SMAD4: variants seen among roughly 807,000 people sequenced by gnomAD.
The protein encoded by SMAD4 is MAD homolog 4.
SMAD4 carries 7 observed loss-of-function variants against 63.2 expected under a neutral mutation model. The ratio of observed to expected loss-of-function variants is 0.11; its 90% confidence interval spans 0.06 to 0.21. The LOEUF is 0.21. Ranked by LOEUF, SMAD4 falls within the 10% of genes least tolerant of loss-of-function variation. The probability of loss-of-function intolerance (pLI) is 1.00; values close to 1 mark genes in which losing one functional copy is unlikely to be tolerated. For missense variants in SMAD4, 312 were observed against 693.8 expected, an observed-to-expected ratio of 0.45 and a Z score of 6.18; for synonymous variants, 215 against 235.4, an observed-to-expected ratio of 0.91 and a Z score of 0.79.
intron 1 of SMAD4, among the ~76,000 whole-genome samples, chr18:51,034,540 C>T (rs534005503): frequency 1.3e-3 from 193 of 152,198 alleles, no homozygotes; most frequent in African/African-American, 4.1e-3. Context: ...CATGAGCCAC[C>T]GCGCCCAGCC....
intron 8 of SMAD4, among the ~76,000 whole-genome samples, chr18:51,062,850 TG>T (rs1430775172): frequency 1.4e-5 from 2 of 139,120 alleles, no homozygotes; most frequent in Non-Finnish European, 3.1e-5. Flanking sequence ...TGGCTTTACT[TG>T]TTTTTTTTTT....
intron 1 of SMAD4, among the ~76,000 whole-genome samples, 162 bp downstream of exon 1, chr18:51,030,785 G>A (rs1308767260): frequency 2.0e-5 from 3 of 151,360 alleles, no homozygotes; most frequent in Non-Finnish European, 4.4e-5. Context: ...CTGACGAGCC[G>A]GGCCGGGCGG....
rs1599181216 is a variant in SMAD4 at position 51,047,249 on chromosome 18, C to G, written c.203C>G (p.Pro68Arg). 6.2e-7 allele frequency: 1 copy of G among 1,613,792 alleles called. No individual in the cohort carries two copies. The highest frequency in any genetic ancestry group is 8.5e-7 in the Non-Finnish European group (1 of 1,179,742). The part of the protein sequence containing the change: ...ITAITTNGAH[P>R]SKCVTIQRTL... ...GCTATAACTACAAATGGAGCTCATC[C>G]TAGTAAATGTGTTACCATACAGAGA... The change falls in exon 2 of 12, where the codon CCT becomes CGT. Residue 68 changes from proline to arginine, a missense_variant. Pro to Arg is a moderately radical substitution (Grantham distance 103, BLOSUM62 -2). This residue lies in a region of SMAD4 where 37 missense variants were observed against 87.3 expected (regional missense o/e 0.42). Transcript: ENST00000342988.
At chr18:51,070,577 A>G (rs1460554251) in intron 10 of SMAD4, among the ~76,000 whole-genome samples, 2 of 152,310 alleles carry the variant, frequency 1.3e-5, no homozygotes, top group Non-Finnish European at 1.5e-5. Flanking sequence ...CCCATCCACA[A>G]TTTCACTTTC....
chr18:51,073,723 G>T (rs1383797004), intron 10 of SMAD4, among the ~76,000 whole-genome samples: 2 of 151,896 alleles, frequency 1.3e-5, no homozygotes, highest in African/African-American at 4.8e-5. Context: ...TAGAGATGGG[G>T]TCTCACCATG....
intron 1 of SMAD4, among the ~76,000 whole-genome samples, chr18:51,043,280 A>G (rs1477227581): frequency 6.6e-6 from 1 of 152,142 alleles, no homozygotes; most frequent in Non-Finnish European, 1.5e-5. Flanking sequence ...TTGTATATAC[A>G]GTGTTTGTTG....
At chr18:51,051,676 T>A (rs1057107847) in intron 4 of SMAD4, among the ~76,000 whole-genome samples, 1 of 151,874 alleles carries the variant, frequency 6.6e-6, no homozygotes, top group Non-Finnish European at 1.5e-5. Context: ...AATAAGAGAG[T>A]GATAATACCA....
At chr18:51,054,539 C>T (rs1028998178) in intron 4 of SMAD4, 6 of 483,540 alleles carry the variant, frequency 1.2e-5, no homozygotes, top group Admixed American at 1.0e-4. Context: ...GAAACATAGA[C>T]TAGCTTCAAA....
At chr18:51,036,910 C>T (rs1166999277) in intron 1 of SMAD4, among the ~76,000 whole-genome samples, 1 of 152,184 alleles carries the variant, frequency 6.6e-6, no homozygotes, top group Non-Finnish European at 1.5e-5. Flanking sequence ...GTAATCTCAG[C>T]ACTTTGGGAG....
chr18:51,050,651 T>A (rs1457105257), intron 4 of SMAD4, among the ~76,000 whole-genome samples: 13 of 147,484 alleles, frequency 8.8e-5, no homozygotes, highest in African/African-American at 1.0e-4. Flanking sequence ...AAAGCGAGAC[T>A]CTGTCTCAAA....
chr18:51,043,611 C>T (rs1909452694), intron 1 of SMAD4, among the ~76,000 whole-genome samples: 1 of 151,916 alleles, frequency 6.6e-6, no homozygotes, highest in African/African-American at 2.4e-5. Context: ...CATAGGAATA[C>T]AATAAAGAGA....
At chr18:51,062,371 G>C (rs1383827040) in intron 8 of SMAD4, among the ~76,000 whole-genome samples, 1 of 151,978 alleles carries the variant, frequency 6.6e-6, no homozygotes. Flanking sequence ...AAACATTATG[G>C]CATCCCAGAA....
intron 5 of SMAD4, among the ~76,000 whole-genome samples, chr18:51,055,342 C>T (rs540992964): frequency 9.2e-5 from 14 of 152,170 alleles, no homozygotes; most frequent in Non-Finnish European, 4.4e-5. Context: ...GAATTGCAAC[C>T]TTTCTTTTAA....
chr18:51,070,768 T>TA (rs1025868219), intron 10 of SMAD4, among the ~76,000 whole-genome samples: 7 of 152,138 alleles, frequency 4.6e-5, no homozygotes, highest in Non-Finnish European at 1.0e-4. Context: ...ACCCACCCAT[T>TA]AGTCACTGAG....
At chr18:51,073,388 T>TATATATATATATACACAC (rs1417299090) in intron 10 of SMAD4, among the ~76,000 whole-genome samples, 4 of 64,158 alleles carry the variant, frequency 6.2e-5, no homozygotes, top group African/African-American at 1.5e-4. Context: ...TATATATATA[T>TATATATATATATACACAC]ACACACACAC....
At chr18:51,035,983 C>G (rs962688188) in intron 1 of SMAD4, among the ~76,000 whole-genome samples, 3 of 152,038 alleles carry the variant, frequency 2.0e-5, no homozygotes, top group African/African-American at 7.2e-5. Flanking sequence ...CTTATCCTTA[C>G]TGCTTTATTT....
chr18:51,033,672 A>G (rs1650280492), intron 1 of SMAD4, among the ~76,000 whole-genome samples: 1 of 152,232 alleles, frequency 6.6e-6, no homozygotes. Context: ...ATGCTTGATC[A>G]TAAGTCAGAT....
chr18:51,068,470 G>T (rs1228141127), intron 10 of SMAD4, among the ~76,000 whole-genome samples: 1 of 151,976 alleles, frequency 6.6e-6, no homozygotes, highest in Non-Finnish European at 1.5e-5. Context: ...CATAATCGCG[G>T]TGCTATTTAT....
intron 10 of SMAD4, among the ~76,000 whole-genome samples, chr18:51,075,696 T>C (rs533324051): frequency 9.2e-4 from 140 of 152,350 alleles, no homozygotes; most frequent in African/African-American, 3.1e-3. Flanking sequence ...TTCATAAATA[T>C]AAGGGTAGAT....
Sources: allele counts gnomAD v4.1 joint callset (sites outside exome capture counted in the v4.1 genomes callset), GRCh38; gene constraint gnomAD v4.1.1; regional missense constraint gnomAD v4.1.1; transcripts MANE v1.5; gene names NCBI Gene and HGNC (gene_info 2026-07-23, HGNC 2026-07-21).